NPAS2: variants seen among roughly 807,000 people sequenced by gnomAD.
NPAS2 encodes the protein neuronal PAS domain protein 2.
Under a neutral mutation model 107.5 loss-of-function variants are expected in NPAS2, and 23 were observed. That is an observed-to-expected ratio of 0.21 (90% confidence interval 0.15 to 0.30). The LOEUF (loss-of-function observed/expected upper bound fraction) is 0.30, where lower values mean the gene tolerates loss of function less well. Ranked by LOEUF, NPAS2 falls within the 10% of genes least tolerant of loss-of-function variation. The pLI, the probability that NPAS2 is intolerant of heterozygous loss-of-function variation, is 1.00. For synonymous variants in NPAS2, 403 were observed against 417.5 expected (o/e 0.97, Z 0.42); for missense variants, 756 against 1,043.3 (o/e 0.72, Z 3.79).
chr2:100,921,706 C>T (rs1354899719), intron 2 of NPAS2, among the ~76,000 whole-genome samples: 1 of 152,128 alleles, frequency 6.6e-6, no homozygotes, highest in Non-Finnish European at 1.5e-5. Context: ...AATGCAAATC[C>T]AAGCCGCAGT....
At chr2:100,819,839 G>A (rs1351430770), upstream of NPAS2, among the ~76,000 whole-genome samples, 1 of 151,992 alleles carries the variant, frequency 6.6e-6, no homozygotes, top group African/African-American at 2.4e-5. The surrounding 1 kb of genome is among the most constrained non-coding windows in gnomAD (Gnocchi z 5.8). Context: ...CTGCGCCCCA[G>A]GCCCGACCCC....
chr2:100,912,869 G>C (rs1251283504), intron 2 of NPAS2, among the ~76,000 whole-genome samples: 1 of 152,190 alleles, frequency 6.6e-6, no homozygotes, highest in Non-Finnish European at 1.5e-5. Flanking sequence ...ATCTTTTGAT[G>C]GGAGAGCTTC....
chr2:100,959,102 AAAAAAAAC>A (rs3041860), intron 7 of NPAS2, among the ~76,000 whole-genome samples: 51,569 of 143,446 alleles, frequency 0.36, 9,717 homozygotes, highest in Middle Eastern at 0.51. Flanking sequence ...AAAAAAAAAA[AAAAAAAAC>A]AAAACTAAAA....
intron 15 of NPAS2, among the ~76,000 whole-genome samples, 160 bp downstream of exon 15, chr2:100,977,959 C>T (rs1199186203): frequency 6.6e-6 from 1 of 152,206 alleles, no homozygotes; most frequent in Admixed American, 6.5e-5. Context: ...GAGGTTCCCC[C>T]CACACCCACC....
intron 3 of NPAS2, among the ~76,000 whole-genome samples, chr2:100,932,469 G>A (rs955952574): frequency 2.6e-5 from 4 of 152,218 alleles, no homozygotes; most frequent in Non-Finnish European, 5.9e-5. Context: ...CACGCCTAAG[G>A]TGTTTCTGGA....
Position 100,976,660 on chromosome 2 carries a change from G to C in NPAS2, c.1393-1050G>C, listed in dbSNP as rs1677029360. 6.6e-6 allele frequency: 1 copy of C among 152,118 alleles called. No individual in the cohort carries two copies. The highest frequency in any genetic ancestry group is 1.5e-5 in the Non-Finnish European group (1 of 68,048). The allele number at this position is 152,118 out of a possible 1,614,324, so 9.4% of individuals were successfully genotyped here. A position where few individuals can be genotyped will look rare whatever the true frequency, so the allele number is the denominator to read the frequency against. On this transcript the variant is annotated intron_variant, in intron 14 of 20. Coordinates refer to ENST00000335681, the MANE Select transcript of NPAS2 (RefSeq NM_002518.4). This position sits in a 1 kb window ranked among gnomAD's most constrained non-coding sequence, Gnocchi z 4.1. ...CATAAAGGCTGTGCACACCCTGCTT[G>C]AGAAGCTTGGGCGATGCGTTTTATT...
intron 3 of NPAS2, among the ~76,000 whole-genome samples, chr2:100,929,283 G>A (rs1281302054): frequency 2.0e-5 from 3 of 152,180 alleles, no homozygotes; most frequent in African/African-American, 7.2e-5. Context: ...CAGACAGCCA[G>A]GAAAATGTGG....
chr2:100,932,841 T>C lies in NPAS2; in HGVS notation c.182-69T>C. On this transcript the variant is annotated intron_variant, in intron 3 of 20. Transcript: ENST00000335681. ...CACAAAATTACATAGAAGTAACATG[T>C]GCTTCATTTGTTAATTCCAATTTCT... The C allele has an allele frequency of 3.8e-6, 4 of 1,048,738 alleles. 1 individual carries two copies. The South Asian group carries it at 3.9e-5, about 10-fold the overall frequency. The allele number at this position is 1,048,738 out of a possible 1,614,324, so 65.0% of individuals were successfully genotyped here. A position where few individuals can be genotyped will look rare whatever the true frequency, so the allele number is the denominator to read the frequency against.
At chr2:100,830,514 C>T (rs759838027) in intron 1 of NPAS2, among the ~76,000 whole-genome samples, 1 of 149,212 alleles carries the variant, frequency 6.7e-6, no homozygotes, top group Admixed American at 6.7e-5. Flanking sequence ...ATGTTCCCTG[C>T]CCTGTGTCCC....
intron 11 of NPAS2, among the ~76,000 whole-genome samples, chr2:100,969,047 A>G (rs1357803732): frequency 6.6e-6 from 1 of 152,200 alleles, no homozygotes; most frequent in African/African-American, 2.4e-5. Context: ...ACTGTTCCCA[A>G]GGATGAAGGG....
chr2:100,899,126 C>T (rs746268823), intron 1 of NPAS2, among the ~76,000 whole-genome samples: 2 of 151,886 alleles, frequency 1.3e-5, no homozygotes, highest in Non-Finnish European at 2.9e-5. Context: ...GCTGACAAAG[C>T]GTGCTGGGGT....
intron 5 of NPAS2, among the ~76,000 whole-genome samples, chr2:100,941,734 G>T (rs1051766340): frequency 6.6e-6 from 1 of 152,122 alleles, no homozygotes; most frequent in African/African-American, 2.4e-5. Flanking sequence ...AGATCCAAGG[G>T]GCATGAGTCA....
chr2:100,958,116 T>C (rs1310717781), intron 7 of NPAS2, among the ~76,000 whole-genome samples: 15 of 152,218 alleles, frequency 9.9e-5, no homozygotes. Flanking sequence ...TCCAAATAGG[T>C]CACCCTCGGC....
chr2:100,907,520 A>ACC (rs1401268142), intron 2 of NPAS2, among the ~76,000 whole-genome samples: 1 of 150,724 alleles, frequency 6.6e-6, no homozygotes, highest in Admixed American at 6.6e-5. Context: ...ACACACACAC[A>ACC]CACCCCTAAG....
At chr2:100,898,625 C>T (rs1238127075) in intron 1 of NPAS2, among the ~76,000 whole-genome samples, 1 of 152,118 alleles carries the variant, frequency 6.6e-6, no homozygotes, top group East Asian at 1.9e-4. Context: ...CAATATATTT[C>T]CAGATGAAGG....
chr2:100,881,557 G>A (rs1226884513), intron 1 of NPAS2, among the ~76,000 whole-genome samples: 1 of 152,146 alleles, frequency 6.6e-6, no homozygotes, highest in Non-Finnish European at 1.5e-5. Flanking sequence ...GTGGTGGCAG[G>A]TGCCTGTAAT....
chr2:100,938,291 C>A (rs528523534), intron 5 of NPAS2, among the ~76,000 whole-genome samples: 1 of 152,206 alleles, frequency 6.6e-6, no homozygotes, highest in Non-Finnish European at 1.5e-5. Context: ...AAGTGGGTAG[C>A]AACACTTAGT....
chr2:100,920,256 A>C (rs1191729134), intron 2 of NPAS2, among the ~76,000 whole-genome samples: 1 of 152,190 alleles, frequency 6.6e-6, no homozygotes, highest in African/African-American at 2.4e-5. Flanking sequence ...GTAGTTAATA[A>C]TAACGTACAG....
chr2:100,923,480 C>CG (rs1683366186), intron 2 of NPAS2, among the ~76,000 whole-genome samples: 3 of 152,170 alleles, frequency 2.0e-5, no homozygotes, highest in Non-Finnish European at 2.9e-5. Context: ...TTTGGAAATA[C>CG]GTCCTTTTGT....
Sources: gnomAD v4.1 joint callset for allele counts (sites outside exome capture counted in the v4.1 genomes callset) on GRCh38, gnomAD v4.1.1 for gene constraint, Gnocchi (gnomAD v3.1) non-coding constraint, MANE v1.5 for transcripts, NCBI Gene and HGNC (gene_info 2026-07-23, HGNC 2026-07-21) for gene names.